The following ODAD4 variants were observed in gnomAD, a reference collection of about 807,000 sequenced individuals.
ODAD4 encodes the protein outer dynein arm-docking complex subunit 4.
In ODAD4, 49 loss-of-function variants were observed where a neutral mutation model predicts 51.8. The observed-to-expected ratio is 0.95, with a 90% CI of 0.75 to 1.20. The LOEUF is 1.20. Ranked by LOEUF, ODAD4 falls within the 50% of genes most tolerant of loss-of-function variation. ODAD4 has a pLI of 0.00. For synonymous variants in ODAD4, 235 were observed against 221.3 expected, an observed-to-expected ratio of 1.06 and a Z score of -0.55; for missense variants, 590 against 586.5, an observed-to-expected ratio of 1.01 and a Z score of -0.06.
chr17:41,946,349 G>A (rs951239258), intron 8 of ODAD4, among the ~76,000 whole-genome samples: 12 of 152,106 alleles, frequency 7.9e-5, no homozygotes, highest in Non-Finnish European at 1.8e-4. Flanking sequence ...GTTTTGAGAC[G>A]GAGTCTCACT....
chr17:41,938,691 C>G lies in ODAD4; in HGVS notation c.760C>G (p.Leu254Val), dbSNP rs1555638231. 6.2e-7 allele frequency: 1 copy of G among 1,613,822 alleles called. No homozygotes were observed. Among genetic ancestry groups the G allele is most frequent in the African/African-American group, 1.3e-5 (1 of 74,918 alleles). Residue 254 changes from leucine to valine, a missense_variant, in exon 6 of 12, where the codon CTG becomes GTG. Transcript: ENST00000377540. ...CTACGCCAGGGAGCGGGACCGGAAGCTGATGCAAGAGAAATGGCTGCGGGA... is the reference window on the plus strand; with the variant it reads ...CTACGCCAGGGAGCGGGACCGGAAGGTGATGCAAGAGAAATGGCTGCGGGA... ...PIYARERDRK[L>V]MQEKWLRDHK...
At chr17:41,939,764 G>A (rs1555638453) in intron 7 of ODAD4, among the ~76,000 whole-genome samples, 1 of 152,174 alleles carries the variant, frequency 6.6e-6, no homozygotes, top group Non-Finnish European at 1.5e-5. Context: ...GAAGTGGGCA[G>A]GGGATGGATC....
At chr17:41,936,334 C>G (rs2050425994) in intron 3 of ODAD4, 139 bp from the exon 4 acceptor site, 2 of 657,390 alleles carry the variant, frequency 3.0e-6, no homozygotes, top group Non-Finnish European at 5.5e-6. Flanking sequence ...CACCATTTGC[C>G]TGCTAGGCTG....
At chr17:41,939,557 A>G (rs1456978501) in intron 7 of ODAD4, among the ~76,000 whole-genome samples, 1 of 152,238 alleles carries the variant, frequency 6.6e-6, no homozygotes, top group African/African-American at 2.4e-5. Context: ...AAAAAGGGAC[A>G]TAGCTAATTA....
intron 11 of ODAD4, 44 bp from the exon 12 acceptor site, chr17:41,964,949 G>T (rs891820225): frequency 1.5e-6 from 1 of 664,996 alleles, no homozygotes; most frequent in South Asian, 1.7e-5. Context: ...GGCCTGACAT[G>T]AACAAACTTT....
chr17:41,960,558 G>A (rs1443028989), intron 10 of ODAD4, among the ~76,000 whole-genome samples: 1 of 152,244 alleles, frequency 6.6e-6, no homozygotes, highest in Admixed American at 6.5e-5. Flanking sequence ...CTGGGAGGCA[G>A]AGCTGGAGGC....
At chr17:41,961,512 T>C (rs782029466) in intron 11 of ODAD4, 46 bp downstream of exon 11, 8 of 717,564 alleles carry the variant, frequency 1.1e-5, no homozygotes, top group Middle Eastern at 2.3e-4. Context: ...ATTCTCCCTC[T>C]GCTTTCTTTT....
chr17:41,959,835 G>A (rs1555641462), intron 10 of ODAD4, among the ~76,000 whole-genome samples: 2 of 152,156 alleles, frequency 1.3e-5, no homozygotes, highest in Non-Finnish European at 2.9e-5. Context: ...TGTGAGGACT[G>A]TGGTAAGGCT....
intron 10 of ODAD4, among the ~76,000 whole-genome samples, chr17:41,956,698 G>A (rs1410500849): frequency 6.6e-6 from 1 of 152,114 alleles, no homozygotes; most frequent in East Asian, 1.9e-4. Flanking sequence ...GTAACAAGGA[G>A]TGATCTCACC....
Position 41,965,097 on chromosome 17 carries a change from G to A in ODAD4, c.1633G>A (p.Glu545Lys), listed in dbSNP as rs782366469. 27 of 770,518 alleles carry A rather than the reference G, an allele frequency of 3.5e-5. No homozygotes were observed. Among genetic ancestry groups the A allele is most frequent in the Non-Finnish European group, 4.8e-6 (2 of 413,248 alleles). 47.7% of individuals were successfully genotyped at this position (770,518 alleles called of 1,614,324 possible). A position where few individuals can be genotyped will look rare whatever the true frequency, so the allele number is the denominator to read the frequency against. The change falls in exon 12 of 12, where the codon GAG becomes AAG. Residue 545 changes from glutamate to lysine, a missense_variant. Coordinates refer to ENST00000377540, the MANE Select transcript of ODAD4 (RefSeq NM_031421.5). ...GAAGCAGTGGGACCATAGTGAGGATGAGAAAGAGACAGATGAGGACGATGA... is the reference window on the plus strand; with the variant it reads ...GAAGCAGTGGGACCATAGTGAGGATAAGAAAGAGACAGATGAGGACGATGA... ...VVKQWDHSED[E>K]KETDEDDEAF...
Position 41,964,907 on chromosome 17 carries a change from T to C in ODAD4, c.1529-86T>C, listed in dbSNP as rs1374516673. On this transcript the variant is annotated intron_variant, in intron 11 of 11. Transcript: ENST00000377540. ...ATCTGCCTGCCTCAGCCTCCCAAAGTGCTGAGATTACAGGCGTGAGCCACC... is the reference window on the plus strand; with the variant it reads ...ATCTGCCTGCCTCAGCCTCCCAAAGCGCTGAGATTACAGGCGTGAGCCACC... 25 of 616,094 alleles carry C rather than the reference T, an allele frequency of 4.1e-5. No individual in the cohort carries two copies. The Admixed American group carries it at 4.9e-4, about 12-fold the overall frequency. 38.2% of individuals were successfully genotyped at this position (616,094 alleles called of 1,614,324 possible). A position where few individuals can be genotyped will look rare whatever the true frequency, so the allele number is the denominator to read the frequency against.
intron 11 of ODAD4, among the ~76,000 whole-genome samples, chr17:41,962,758 C>G (rs1460168084): frequency 6.6e-6 from 1 of 152,224 alleles, no homozygotes; most frequent in Non-Finnish European, 1.5e-5. Context: ...TTTCCTGCCC[C>G]AGTCTGTGGA....
chr17:41,962,827 G>C (rs2050823661), intron 11 of ODAD4, among the ~76,000 whole-genome samples: 1 of 152,256 alleles, frequency 6.6e-6, no homozygotes, highest in Non-Finnish European at 1.5e-5. Flanking sequence ...CGGGAGGACA[G>C]AGCCCAATGC....
At chr17:41,955,824 T>C (rs782292917) in intron 10 of ODAD4, among the ~76,000 whole-genome samples, 12 of 152,154 alleles carry the variant, frequency 7.9e-5, no homozygotes, top group Non-Finnish European at 1.3e-4. Context: ...TATTTATTTA[T>C]TTATTGAGAC....
chr17:41,938,868 C>T (rs1223909433), intron 6 of ODAD4, 87 bp downstream of exon 6: 4 of 1,562,710 alleles, frequency 2.6e-6, no homozygotes, highest in Non-Finnish European at 3.5e-6. Context: ...AGCCCCTGGT[C>T]TCTCAGACCT....
intron 3 of ODAD4, among the ~76,000 whole-genome samples, chr17:41,936,064 G>T (rs1452536138): frequency 1.3e-5 from 2 of 152,202 alleles, no homozygotes; most frequent in African/African-American, 4.8e-5. Context: ...GCTATAATGC[G>T]GTCCTGAGCC....
chr17:41,957,277 G>A (rs1256589588), intron 10 of ODAD4, among the ~76,000 whole-genome samples: 2 of 152,114 alleles, frequency 1.3e-5, no homozygotes, highest in African/African-American at 4.8e-5. Context: ...TCCATGGACC[G>A]GTGGTGGGGG....
At chr17:41,952,336 C>T (rs575284540) in intron 9 of ODAD4, among the ~76,000 whole-genome samples, 25 of 146,940 alleles carry the variant, frequency 1.7e-4, no homozygotes, top group Non-Finnish European at 8.9e-5. Flanking sequence ...CCACTGCACT[C>T]CAGTCCAGGC....
At chr17:41,938,370 C>T (rs1418791776) in intron 5 of ODAD4, among the ~76,000 whole-genome samples, 187 bp from the exon 6 acceptor site, 2 of 152,210 alleles carry the variant, frequency 1.3e-5, no homozygotes, top group Non-Finnish European at 2.9e-5. Context: ...GATAGTGGGG[C>T]TCTGGCTGCC....
Sources: gnomAD v4.1 joint callset for allele counts (sites outside exome capture counted in the v4.1 genomes callset) on GRCh38, gnomAD v4.1.1 for gene constraint, MANE v1.5 for transcripts, NCBI Gene and HGNC (gene_info 2026-07-23, HGNC 2026-07-21) for gene names.